The following TNFRSF21 variants were observed in gnomAD, a reference collection of about 807,000 sequenced individuals.
The protein encoded by TNFRSF21 is tumor necrosis factor receptor superfamily member 21.
TNFRSF21 carries 19 observed loss-of-function variants against 45.6 expected under a neutral mutation model. The observed-to-expected ratio is 0.42, with a 90% CI of 0.29 to 0.61. The LOEUF is 0.61. TNFRSF21 is among the 20% of genes least tolerant of loss of function. The probability of loss-of-function intolerance (pLI) is 0.23; values close to 1 mark genes in which losing one functional copy is unlikely to be tolerated. For missense variants in TNFRSF21, 737 were observed against 851.5 expected (o/e 0.87, Z 1.67); for synonymous variants, 314 against 335.5 (o/e 0.94, Z 0.70).
At chr6:47,257,909 G>A (rs1449904332) in intron 3 of TNFRSF21, among the ~76,000 whole-genome samples, 1 of 152,160 alleles carries the variant, frequency 6.6e-6, no homozygotes, top group African/African-American at 2.4e-5. Flanking sequence ...CCCAGTTAGT[G>A]ATGCCTCAAT....
At chr6:47,265,340 G>C (rs1762316969) in intron 3 of TNFRSF21, among the ~76,000 whole-genome samples, 1 of 152,138 alleles carries the variant, frequency 6.6e-6, no homozygotes, top group African/African-American at 2.4e-5. Flanking sequence ...GCTTTGCTAA[G>C]GTAATAATTT....
chr6:47,309,293 C>G, intron 1 of TNFRSF21, 123 bp downstream of exon 1: 5 of 1,363,700 alleles, frequency 3.7e-6, no homozygotes, highest in Non-Finnish European at 3.8e-6. Context: ...CCTCAGTGCC[C>G]GTAACCCAGT....
intron 3 of TNFRSF21, among the ~76,000 whole-genome samples, chr6:47,268,994 C>A (rs1266274673): frequency 6.6e-6 from 1 of 152,198 alleles, no homozygotes; most frequent in Non-Finnish European, 1.5e-5. Context: ...AAGAACCCTG[C>A]AGTCCTTTGA....
chr6:47,296,776 C>T (rs1050279380), intron 1 of TNFRSF21, among the ~76,000 whole-genome samples: 8 of 152,196 alleles, frequency 5.3e-5, no homozygotes, highest in African/African-American at 1.4e-4. Flanking sequence ...ACACACCTTG[C>T]CCTATGCATT....
At position 47,251,510 on chromosome 6, in the gene TNFRSF21, T is replaced by C. The variant is rs148075814; in HGVS notation, c.1509+1746A>G. On this transcript the variant is annotated intron_variant, in intron 4 of 5. Transcript: ENST00000296861. ...CTAATGATTTTATTATGAATCACTCTTTTTGACATGCACTCTCACCTTCTT... is the reference window on the plus strand; with the variant it reads ...CTAATGATTTTATTATGAATCACTCCTTTTGACATGCACTCTCACCTTCTT... 3.3e-5 allele frequency among the ~76,000 whole-genome samples: 5 copies of C among 152,328 alleles called. No individual in the cohort carries two copies. The East Asian group carries it at 9.6e-4, about 29-fold the overall frequency.
intron 4 of TNFRSF21, among the ~76,000 whole-genome samples, chr6:47,249,133 C>T (rs192596486): frequency 6.6e-6 from 1 of 152,304 alleles, no homozygotes; most frequent in East Asian, 1.9e-4. Context: ...CATTCCTCCT[C>T]CCAACCTCTT....
chr6:47,247,635 T>C (rs536250426), intron 4 of TNFRSF21, among the ~76,000 whole-genome samples: 5 of 152,346 alleles, frequency 3.3e-5, no homozygotes, highest in South Asian at 2.1e-4. Flanking sequence ...TAGTTCCCTC[T>C]GCAGCAGAGG....
chr6:47,248,565 A>G (rs966491205), intron 4 of TNFRSF21, among the ~76,000 whole-genome samples: 1 of 152,214 alleles, frequency 6.6e-6, no homozygotes, highest in African/African-American at 2.4e-5. Flanking sequence ...TCTGACAGCT[A>G]TTGAGGAAGC....
chr6:47,241,462 C>T (rs6903656), intron 4 of TNFRSF21, among the ~76,000 whole-genome samples: 34,677 of 147,500 alleles, frequency 0.24, 5,082 homozygotes, highest in African/African-American at 0.41. Flanking sequence ...TCTTGGCAAG[C>T]AGAACCCAAA....
intron 3 of TNFRSF21, among the ~76,000 whole-genome samples, chr6:47,262,034 T>C (rs1298107432): frequency 1.3e-5 from 2 of 152,178 alleles, no homozygotes; most frequent in Admixed American, 1.3e-4. Flanking sequence ...AGATTTTACT[T>C]TAGCTGCAAA....
chr6:47,297,623 T>C (rs1762809824), intron 1 of TNFRSF21, among the ~76,000 whole-genome samples: 1 of 151,436 alleles, frequency 6.6e-6, no homozygotes, highest in African/African-American at 2.4e-5. Flanking sequence ...CCTGGGTTCA[T>C]GCAATTCGAG....
intron 1 of TNFRSF21, among the ~76,000 whole-genome samples, chr6:47,300,376 C>G (rs1230950104): frequency 6.6e-6 from 1 of 152,180 alleles, no homozygotes; most frequent in African/African-American, 2.4e-5. Context: ...AAATTTCTAT[C>G]TAGTAATCCC....
intron 1 of TNFRSF21, among the ~76,000 whole-genome samples, chr6:47,297,833 T>C (rs1222885453): frequency 6.6e-6 from 1 of 152,160 alleles, no homozygotes. Context: ...AAGACAATCT[T>C]TTAAAACACC....
intron 1 of TNFRSF21, among the ~76,000 whole-genome samples, chr6:47,308,173 T>G (rs945079416): frequency 6.6e-6 from 1 of 152,212 alleles, no homozygotes; most frequent in Non-Finnish European, 1.5e-5. Context: ...TAACAAACTT[T>G]TATTTAGTCT....
chr6:47,293,486 C>T (rs1582357085), intron 1 of TNFRSF21, among the ~76,000 whole-genome samples: 1 of 152,262 alleles, frequency 6.6e-6, no homozygotes, highest in East Asian at 1.9e-4. Flanking sequence ...TATTATCCAG[C>T]CCTTTATAGA....
chr6:47,245,475 T>C (rs9463311), intron 4 of TNFRSF21, among the ~76,000 whole-genome samples: 9,886 of 151,594 alleles, frequency 0.065, 476 homozygotes, highest in African/African-American at 0.13. Context: ...TGTGTGTGTG[T>C]GTGTTGGGCA....
intron 2 of TNFRSF21, 145 bp downstream of exon 2, chr6:47,285,799 A>C: frequency 1.1e-6 from 1 of 899,752 alleles, no homozygotes; most frequent in Non-Finnish European, 1.6e-6. Context: ...GCCAGATTTA[A>C]TTAGCCACCA....
Position 47,253,396 on chromosome 6 carries a change from C to T in TNFRSF21, c.1369G>A (p.Glu457Lys), listed in dbSNP as rs866272803. 2.5e-6 allele frequency: 4 copies of T among 1,614,148 alleles called. No homozygotes were observed. Among genetic ancestry groups the T allele is most frequent in the South Asian group, 1.1e-5 (1 of 91,068 alleles). The change falls in exon 4 of 6, where the codon GAG becomes AAG. Residue 457 changes from glutamate (E) to lysine (K), a missense_variant. Coordinates refer to ENST00000296861, the MANE Select transcript of TNFRSF21 (RefSeq NM_014452.5). The stretch of plus-strand genomic sequence containing the variant: ...TGCTGCAGAGCTGCGTAGGCCCGCT[C>T]GTGGTCGGCTGTGTACCCATTGGAG... ...AFSNGYTADH[E>K]RAYAALQHWT...
chr6:47,274,588 C>T (rs1762469862), intron 3 of TNFRSF21, among the ~76,000 whole-genome samples: 1 of 152,172 alleles, frequency 6.6e-6, no homozygotes, highest in African/African-American at 2.4e-5. Context: ...GCAAGGACTT[C>T]ATGACTAAAA....
Sources: gnomAD v4.1 joint callset for allele counts (sites outside exome capture counted in the v4.1 genomes callset) on GRCh38, gnomAD v4.1.1 for gene constraint, MANE v1.5 for transcripts, NCBI Gene and HGNC (gene_info 2026-07-23, HGNC 2026-07-21) for gene names.